The following S100A10 variants were observed in gnomAD, a reference collection of about 807,000 sequenced individuals.
S100A10 encodes protein S100-A10.
In S100A10, 3 loss-of-function variants were observed where a neutral mutation model predicts 7.1. The ratio of observed to expected loss-of-function variants is 0.42; its 90% CI spans 0.19 to 1.10. The LOEUF (loss-of-function observed/expected upper bound fraction) is 1.10. S100A10 is among the 50% of genes least tolerant of loss of function. The probability of loss-of-function intolerance (pLI) is 0.29; values close to 1 mark genes in which losing one functional copy is unlikely to be tolerated. For missense variants in S100A10, 101 were observed against 118.1 expected (o/e 0.86, Z 0.67); for synonymous variants, 41 against 39.3 (o/e 1.04, Z -0.16).
intron 1 of S100A10, among the ~76,000 whole-genome samples, chr1:151,987,297 G>A (rs1005416767): frequency 6.7e-6 from 1 of 149,992 alleles, no homozygotes; most frequent in Admixed American, 6.6e-5. Context: ...ACTGCGCCCG[G>A]CCCAGTGTTC....
intron 1 of S100A10, among the ~76,000 whole-genome samples, chr1:151,990,464 G>A (rs1572110497): frequency 2.0e-5 from 3 of 152,316 alleles, no homozygotes; most frequent in East Asian, 3.9e-4. Flanking sequence ...CTAATCTGAT[G>A]CCTATACATG....
intron 1 of S100A10, among the ~76,000 whole-genome samples, chr1:151,989,224 G>C (rs1199218386): frequency 2.0e-5 from 3 of 152,156 alleles, no homozygotes; most frequent in African/African-American, 7.2e-5. Context: ...TGAGTGCTTA[G>C]GTCTGAAGTC....
At chr1:151,992,772 G>C (rs1376194703) in intron 1 of S100A10, among the ~76,000 whole-genome samples, 1 of 152,216 alleles carries the variant, frequency 6.6e-6, no homozygotes, top group African/African-American at 2.4e-5. Flanking sequence ...CCCAGAATCT[G>C]GCTTAGGGCT....
At chr1:151,984,871 A>G (rs899899295) in intron 2 of S100A10, among the ~76,000 whole-genome samples, 2 of 152,202 alleles carry the variant, frequency 1.3e-5, no homozygotes. Context: ...CAACCTGCCC[A>G]TTGTTAGTTA....
At chr1:151,992,980 G>A (rs1655938156) in intron 1 of S100A10, among the ~76,000 whole-genome samples, 1 of 152,304 alleles carries the variant, frequency 6.6e-6, no homozygotes, top group Admixed American at 6.5e-5. Flanking sequence ...TCACTGCACC[G>A]GGCCAAATTA....
chr1:151,992,337 C>G (rs1236594435), intron 1 of S100A10, among the ~76,000 whole-genome samples: 1 of 152,194 alleles, frequency 6.6e-6, no homozygotes, highest in African/African-American at 2.4e-5. Flanking sequence ...ATATCCGCAA[C>G]AACTGCAAAC....
Position 151,986,182 on chromosome 1 carries a change from G to A in S100A10, c.49C>T (p.His17Tyr). 1 of 1,610,256 alleles carries A rather than the reference G, an allele frequency of 6.2e-7. No homozygotes were observed. Among genetic ancestry groups the A allele is most frequent in the Non-Finnish European group, 8.5e-7 (1 of 1,178,842 alleles). ...HAMETMMFTF[H>Y]KFAGDKGYLT... ...TAGCCTTTATCCCCAGCGAATTTGT[G>A]AAATGTAAACATCATGGTTTCCATG... is the stretch of plus-strand genomic sequence containing the variant. The change falls in exon 2 of 3, where the codon CAC becomes TAC. Residue 17 changes from histidine (H) to tyrosine (Y), a missense_variant. His to Tyr is a moderately conservative substitution (Grantham distance 83). Transcript: ENST00000368811.
Position 151,983,195 on chromosome 1 carries a change from C to G in S100A10, c.262G>C (p.Val88Leu). The stretch of plus-strand genomic sequence containing the variant: ...TTTCCCTTCTGCTTCATGTGTACTA[C>G]AAAATAGTCATTGCATGCAATGGTG... Reference protein sequence around the residue: ...GLTIACNDYFVVHMKQKGKK With the variant: ...GLTIACNDYFLVHMKQKGKK The change falls in exon 3 of 3, where the codon GTA (valine) becomes CTA (leucine). Residue 88 changes from valine to leucine, a missense_variant. By Grantham distance (32) the Val-to-Leu change is conservative. Transcript: ENST00000368811. The G allele has an allele frequency of 6.3e-7, 1 of 1,591,682 alleles. No homozygotes were observed. The highest frequency in any genetic ancestry group is 8.5e-7 in the Non-Finnish European group (1 of 1,173,202).
In S100A10 at chr1:151,993,475, G is replaced by A. The variant is rs1655952268; in HGVS notation, c.-22+277C>T. Among the ~76,000 whole-genome samples the A allele has an allele frequency of 1.3e-5, 2 of 152,204 alleles. No homozygotes were observed. Among genetic ancestry groups the A allele is most frequent in the Admixed American group, 1.3e-4 (2 of 15,290 alleles). On this transcript the variant is annotated intron_variant, in intron 1 of 2. Transcript: ENST00000368811. The surrounding 1 kb of genome is among the most constrained non-coding windows in gnomAD (Gnocchi z 5.1). ...ATAAAGGGAGGAGGGAAGAGGTTCA[G>A]GCGCACCAATACCACGGTCCCCTCC...
chr1:151,988,077 C>CA (rs1416478669), intron 1 of S100A10, among the ~76,000 whole-genome samples: 1 of 152,156 alleles, frequency 6.6e-6, no homozygotes, highest in African/African-American at 2.4e-5. Flanking sequence ...GAGCTTTCAT[C>CA]ATGAAGCGTT....
At chr1:151,989,881 T>C (rs1181400475) in intron 1 of S100A10, among the ~76,000 whole-genome samples, 1 of 152,244 alleles carries the variant, frequency 6.6e-6, no homozygotes, top group Non-Finnish European at 1.5e-5. Flanking sequence ...CAGGAGGGCC[T>C]TGGGGCTGGG....
chr1:151,987,849 C>T (rs2932588), intron 1 of S100A10, among the ~76,000 whole-genome samples: 139,234 of 152,308 alleles, frequency 0.91, 63,649 homozygotes, highest in East Asian at 0.95. Context: ...TTTACTAAAG[C>T]TCTGAACTTG....
rs1369199114 is a variant in S100A10, at chr1:151,993,317, G to C, written c.-22+435C>G. On this transcript the variant is annotated intron_variant, in intron 1 of 2. Coordinates refer to ENST00000368811, the MANE Select transcript of S100A10 (RefSeq NM_002966.3). The surrounding 1 kb of genome is among the most constrained non-coding windows in gnomAD (Gnocchi z 5.1). ...GGCGGTACAGCCGGGAGCAGGCTAC[G>C]AACATGCAGACCCGGCCTGCGAGCG... Among the ~76,000 whole-genome samples, 1 of 152,200 alleles carries C rather than the reference G, an allele frequency of 6.6e-6. No individual in the cohort carries two copies.
chr1:151,985,473 G>A (rs1655770792), intron 2 of S100A10: 1 of 152,204 alleles, frequency 6.6e-6, no homozygotes, highest in Non-Finnish European at 1.5e-5. Flanking sequence ...AACTGCTCCT[G>A]TGCTGTCAGA....
Position 151,993,687 on chromosome 1 carries a change from C to T in S100A10, c.-22+65G>A, listed in dbSNP as rs547180981. The T allele has an allele frequency of 6.6e-6, 1 of 152,414 alleles. No homozygotes were observed. The highest frequency in any genetic ancestry group is 1.5e-5 in the Non-Finnish European group (1 of 68,236). 9.4% of individuals were successfully genotyped at this position (152,414 alleles called of 1,614,324 possible). A position where few individuals can be genotyped will look rare whatever the true frequency, so the allele number is the denominator to read the frequency against. On this transcript the variant is annotated intron_variant, in intron 1 of 2. Coordinates refer to ENST00000368811, the MANE Select transcript of S100A10 (RefSeq NM_002966.3). This position sits in a 1 kb window ranked among gnomAD's most constrained non-coding sequence, Gnocchi z 5.1. ...CCCGCGAAGCCGGGTGCAGGGTTTT[C>T]CCCGGGCAGCAGGTCCGGGCCTGGG...
intron 1 of S100A10, among the ~76,000 whole-genome samples, chr1:151,990,876 C>T (rs771771491): frequency 1.1e-4 from 17 of 152,088 alleles, no homozygotes; most frequent in East Asian, 1.9e-4. Flanking sequence ...AGAGCCTGCT[C>T]GATGAATTGT....
At chr1:151,987,455 T>G (rs935807238) in intron 1 of S100A10, among the ~76,000 whole-genome samples, 1 of 152,014 alleles carries the variant, frequency 6.6e-6, no homozygotes, top group African/African-American at 2.4e-5. Flanking sequence ...CTTCTAAGCT[T>G]AAAGTGGTAA....
At chr1:151,986,392 T>C in intron 1 of S100A10, 141 bp from the exon 2 acceptor site, 5 of 581,922 alleles carry the variant, frequency 8.6e-6, no homozygotes, top group Non-Finnish European at 1.4e-5. Flanking sequence ...ATATATACAT[T>C]GTGGGATGAC....
chr1:151,989,009 G>A (rs1220174569), intron 1 of S100A10, among the ~76,000 whole-genome samples: 2 of 152,240 alleles, frequency 1.3e-5, no homozygotes, highest in East Asian at 1.9e-4. Context: ...GGAACTGGGT[G>A]GGGTACCTAG....
Sources: allele counts gnomAD v4.1 joint callset (sites outside exome capture counted in the v4.1 genomes callset), GRCh38; gene constraint gnomAD v4.1.1; non-coding constraint Gnocchi (gnomAD v3.1); transcripts MANE v1.5; gene names NCBI Gene and HGNC (gene_info 2026-07-23, HGNC 2026-07-21).